DHRSX: variants seen among roughly 807,000 people sequenced by gnomAD.
DHRSX encodes dehydrogenase/reductase X-linked.
Under a neutral mutation model 34.0 loss-of-function variants are expected in DHRSX, and 31 were observed. The ratio of observed to expected loss-of-function variants is 0.91; its 90% CI spans 0.69 to 1.23. The LOEUF (loss-of-function observed/expected upper bound fraction) is 1.23. DHRSX is among the 50% of genes most tolerant of loss of function. The probability of loss-of-function intolerance (pLI) is 0.00; values close to 1 mark genes in which losing one functional copy is unlikely to be tolerated. For synonymous variants in DHRSX, 201 were observed against 183.8 expected (o/e 1.09, Z -0.76); for missense variants, 414 against 428.1 (o/e 0.97, Z 0.29).
chrX:2,255,361 T>G (rs2041262278), intron 5 of DHRSX, among the ~76,000 whole-genome samples: 1 of 151,992 alleles, frequency 6.6e-6, no homozygotes, highest in Non-Finnish European at 1.5e-5. Flanking sequence ...GGGGAACATG[T>G]GAAACCTTGA....
rs999706640 is a variant in DHRSX at position 2,375,587 on chromosome X, C to T, written c.286+33158G>A. Among the ~76,000 whole-genome samples the T allele has an allele frequency of 8.8e-5, 12 of 136,000 alleles. 3 individuals are homozygous for T. Among genetic ancestry groups the T allele is most frequent in the Admixed American group, 6.6e-4 (9 of 13,604 alleles). The allele number at this position is 136,000 out of a possible 152,430, so 89.2% of individuals were successfully genotyped here. A position where few individuals can be genotyped will look rare whatever the true frequency, so the allele number is the denominator to read the frequency against. On this transcript the variant is annotated intron_variant, in intron 3 of 6. Transcript: ENST00000334651. The stretch of plus-strand genomic sequence containing the variant: ...ATTCTCTCTTGAGTCAGCAAGAGAA[C>T]GGCTCGATGGGATGGTTGGTTGGTT...
intron 3 of DHRSX, among the ~76,000 whole-genome samples, chrX:2,330,289 G>A (rs2042449620): frequency 6.6e-6 from 1 of 151,764 alleles, no homozygotes; most frequent in Admixed American, 6.6e-5. Context: ...TTGGGAGGCT[G>A]AGGCAGGTGG....
chrX:2,264,957 A>T (rs1208204215), intron 5 of DHRSX, among the ~76,000 whole-genome samples: 5 of 120,828 alleles, frequency 4.1e-5, no homozygotes, highest in Non-Finnish European at 8.6e-5. Context: ...GGAGCACCGT[A>T]GCCAGAGCAC....
intron 3 of DHRSX, among the ~76,000 whole-genome samples, chrX:2,305,846 G>C (rs1265284930): frequency 1.3e-5 from 2 of 151,354 alleles, no homozygotes; most frequent in African/African-American, 4.9e-5. Context: ...GTTGGGGGGT[G>C]GGGGGCAAGG....
chrX:2,347,428 T>G (rs36070679), intron 3 of DHRSX, among the ~76,000 whole-genome samples: 22,006 of 152,238 alleles, frequency 0.14, 2,136 homozygotes, highest in Admixed American at 0.21. Context: ...GCGCGGTGGC[T>G]CACGCCTGTA....
At chrX:2,465,122 G>C (rs1159135013) in intron 1 of DHRSX, among the ~76,000 whole-genome samples, 1 of 152,058 alleles carries the variant, frequency 6.6e-6, no homozygotes, top group Non-Finnish European at 1.5e-5. Context: ...CAGCCACCGT[G>C]TACACACTGA....
intron 2 of DHRSX, among the ~76,000 whole-genome samples, chrX:2,415,115 G>C (rs2043677703): frequency 6.7e-6 from 1 of 150,212 alleles, no homozygotes; most frequent in South Asian, 2.1e-4. Flanking sequence ...ATCTCATCAT[G>C]ACCAATGCAC....
intron 3 of DHRSX, among the ~76,000 whole-genome samples, chrX:2,349,338 CA>C (rs112245431): frequency 3.4e-5 from 5 of 146,726 alleles, no homozygotes; most frequent in South Asian, 2.2e-4. Context: ...CCGTCTCAAA[CA>C]AAAAAAAAAG....
intron 2 of DHRSX, among the ~76,000 whole-genome samples, chrX:2,410,558 G>T (rs1185335971): frequency 6.6e-6 from 1 of 152,068 alleles, no homozygotes; most frequent in Non-Finnish European, 1.5e-5. Context: ...GAGTCAACAC[G>T]GCGTATTGAA....
Position 2,220,928 on chromosome X carries a change from G to T in DHRSX, c.*113C>A. 1.0e-6 allele frequency: 1 copy of T among 994,296 alleles called. No homozygotes were observed. Among genetic ancestry groups the T allele is most frequent in the Non-Finnish European group, 1.5e-6 (1 of 669,744 alleles). The allele number at this position is 994,296 out of a possible 1,614,324, so 61.6% of individuals were successfully genotyped here. ...AGCTGTCTCAAAACTAGAGGACAGA[G>T]CCCTGTGGGCAGGTGGGTGTGAGAA... On this transcript the variant is annotated 3_prime_UTR_variant, in exon 7 of 7. Coordinates refer to ENST00000334651, the MANE Select transcript of DHRSX (RefSeq NM_145177.3).
intron 3 of DHRSX, among the ~76,000 whole-genome samples, chrX:2,344,026 G>A (rs1174765159): frequency 1.3e-5 from 2 of 152,044 alleles, no homozygotes; most frequent in Non-Finnish European, 2.9e-5. Flanking sequence ...CGTGCATCTT[G>A]GGGCTTCTGT....
chrX:2,319,213 T>A, intron 3 of DHRSX, among the ~76,000 whole-genome samples: 1 of 28,650 alleles, frequency 3.5e-5, no homozygotes, highest in African/African-American at 1.3e-4. Context: ...TCGTCCCCCC[T>A]CCTCCCCCCC....
At chrX:2,232,079 TCTC>T (rs1190842472) in intron 6 of DHRSX, among the ~76,000 whole-genome samples, 7 of 148,796 alleles carry the variant, frequency 4.7e-5, no homozygotes, top group African/African-American at 7.5e-5. Context: ...TTTTATTTTT[TCTC>T]CTTTTCCTCA....
chrX:2,357,033 C>T (rs1176020370), intron 3 of DHRSX, among the ~76,000 whole-genome samples: 1 of 152,082 alleles, frequency 6.6e-6, no homozygotes, highest in Admixed American at 6.6e-5. Flanking sequence ...CACCTGAGGT[C>T]ACAAGTTCAA....
intron 4 of DHRSX, among the ~76,000 whole-genome samples, chrX:2,282,846 G>C (rs1319620234): frequency 1.5e-5 from 2 of 134,660 alleles, no homozygotes; most frequent in Admixed American, 7.3e-5. Flanking sequence ...GAAAGGGAGA[G>C]AGAGAAGGGA....
At chrX:2,460,652 C>T (rs1477068325) in intron 1 of DHRSX, among the ~76,000 whole-genome samples, 3 of 149,544 alleles carry the variant, frequency 2.0e-5, no homozygotes, top group East Asian at 2.0e-4. Context: ...GGTGCGATCA[C>T]GTTTCACAGC....
intron 6 of DHRSX, among the ~76,000 whole-genome samples, chrX:2,241,370 C>T (rs1334128820): frequency 6.6e-6 from 1 of 152,174 alleles, no homozygotes; most frequent in Non-Finnish European, 1.5e-5. Context: ...CTCAAGATCT[C>T]TCTAACTTCC....
intron 1 of DHRSX, among the ~76,000 whole-genome samples, chrX:2,470,789 T>A (rs1187709811): frequency 6.6e-6 from 1 of 152,194 alleles, no homozygotes; most frequent in East Asian, 1.9e-4. Context: ...CACACAGTGA[T>A]GATAGTTAAT....
At chrX:2,356,929 A>G (rs560159057) in intron 3 of DHRSX, among the ~76,000 whole-genome samples, 2 of 152,250 alleles carry the variant, frequency 1.3e-5, no homozygotes, top group African/African-American at 2.4e-5. Flanking sequence ...GCTATTAATA[A>G]TTAAGTTTTT....
Sources: allele counts gnomAD v4.1 joint callset (sites outside exome capture counted in the v4.1 genomes callset), GRCh38; gene constraint gnomAD v4.1.1; transcripts MANE v1.5; gene names NCBI Gene and HGNC (gene_info 2026-07-23, HGNC 2026-07-21).